SEPTIN14: variants seen among roughly 807,000 people sequenced by gnomAD.
SEPTIN14 encodes the protein septin 14.
A neutral mutation model predicts 53.6 loss-of-function variants in SEPTIN14; 40 were observed. The observed-to-expected ratio is 0.75, with a 90% CI of 0.58 to 0.97. The LOEUF (loss-of-function observed/expected upper bound fraction) is 0.97. SEPTIN14 is among the 50% of genes least tolerant of loss of function. The pLI, the probability that SEPTIN14 is intolerant of heterozygous loss-of-function variation, is 0.00. For missense variants in SEPTIN14, 471 were observed against 508.2 expected (o/e 0.93, Z 0.70); for synonymous variants, 138 against 166.8 (o/e 0.83, Z 1.33).
intron 5 of SEPTIN14, among the ~76,000 whole-genome samples, chr7:55,839,934 T>G (rs1385655670): frequency 2.8e-5 from 4 of 141,128 alleles, no homozygotes. Context: ...CACCTGAGAT[T>G]AGGAGTTCGA....
At chr7:55,844,756 A>C in intron 3 of SEPTIN14, 38 bp from the exon 4 acceptor site, 1 of 1,150,800 alleles carries the variant, frequency 8.7e-7, no homozygotes, top group East Asian at 2.6e-5. Flanking sequence ...AGGGACATAA[A>C]GGGGCTAAGA....
chr7:55,808,104 C>T (rs1443260069), intron 7 of SEPTIN14, among the ~76,000 whole-genome samples: 1 of 152,074 alleles, frequency 6.6e-6, no homozygotes, highest in East Asian at 1.9e-4. Flanking sequence ...ATTATCCAGA[C>T]AGAATATCAG....
chr7:55,799,196 G>T (rs1346721415), intron 9 of SEPTIN14, among the ~76,000 whole-genome samples: 2 of 151,826 alleles, frequency 1.3e-5, no homozygotes, highest in Non-Finnish European at 2.9e-5. Context: ...GACACACTTA[G>T]ACTAAAAGTG....
At chr7:55,830,825 A>G (rs1789097789) in intron 6 of SEPTIN14, among the ~76,000 whole-genome samples, 1 of 152,180 alleles carries the variant, frequency 6.6e-6, no homozygotes, top group Non-Finnish European at 1.5e-5. Flanking sequence ...TGACTCACTA[A>G]TAAAATAATT....
intron 7 of SEPTIN14, 132 bp from the exon 8 acceptor site, chr7:55,807,390 T>C (rs1234794509): frequency 8.5e-6 from 5 of 585,250 alleles, no homozygotes; most frequent in African/African-American, 5.8e-5. Context: ...GATTAATAGC[T>C]ATAATTCTTT....
chr7:55,822,856 C>CAAAAAAAA, intron 6 of SEPTIN14, among the ~76,000 whole-genome samples: 1 of 104,414 alleles, frequency 9.6e-6, no homozygotes, highest in Non-Finnish European at 2.0e-5. Flanking sequence ...CAGGGGAAAG[C>CAAAAAAAA]AAAAAAAAAA....
intron 4 of SEPTIN14, among the ~76,000 whole-genome samples, chr7:55,843,752 A>G (rs1010161638): frequency 2.6e-5 from 4 of 152,228 alleles, no homozygotes; most frequent in African/African-American, 9.6e-5. Flanking sequence ...GAATAGCATG[A>G]ACCCAGGAGA....
Position 55,830,321 on chromosome 7 carries a change from GTATATATA to G in SEPTIN14, c.720+4096_720+4103del, listed in dbSNP as rs746498199. Among the ~76,000 whole-genome samples the G allele has an allele frequency of 6.6e-3, 554 of 84,380 alleles. 18 individuals are homozygous for G. Among genetic ancestry groups the G allele is most frequent in the South Asian group, 0.015 (38 of 2,490 alleles). The allele number at this position is 84,380 out of a possible 152,430, so 55.4% of individuals were successfully genotyped here. A position where few individuals can be genotyped will look rare whatever the true frequency, so the allele number is the denominator to read the frequency against. ...GTGGTAATCAGAATGTTATCCAACT[GTATATATA>G]TATATATATATATATATATATTTTT... On this transcript the variant is annotated intron_variant, in intron 6 of 9. Coordinates refer to ENST00000388975, the MANE Select transcript of SEPTIN14 (RefSeq NM_207366.3).
intron 6 of SEPTIN14, among the ~76,000 whole-genome samples, chr7:55,828,343 C>T (rs1401660283): frequency 2.9e-5 from 4 of 139,236 alleles, no homozygotes; most frequent in East Asian, 2.2e-4. Context: ...CTTGCTCTGT[C>T]GCCCAGGCTG....
At chr7:55,839,735 T>G (rs997413794) in intron 5 of SEPTIN14, among the ~76,000 whole-genome samples, 1 of 152,136 alleles carries the variant, frequency 6.6e-6, no homozygotes, top group Admixed American at 6.6e-5. Context: ...GGTTGAAATC[T>G]ATCAAATGTG....
intron 6 of SEPTIN14, among the ~76,000 whole-genome samples, chr7:55,827,727 A>C (rs576689114): frequency 6.6e-6 from 1 of 152,352 alleles, no homozygotes; most frequent in Non-Finnish European, 1.5e-5. Context: ...CTGAAACAAC[A>C]GACAGGAAAT....
intron 2 of SEPTIN14, among the ~76,000 whole-genome samples, chr7:55,858,334 CAGG>C: frequency 6.6e-6 from 1 of 152,194 alleles, no homozygotes; most frequent in East Asian, 1.9e-4. Flanking sequence ...CCTTCATCAC[CAGG>C]CTAACTGCTG....
intron 5 of SEPTIN14, among the ~76,000 whole-genome samples, chr7:55,841,397 A>G (rs1460311656): frequency 6.6e-6 from 1 of 152,042 alleles, no homozygotes; most frequent in African/African-American, 2.4e-5. Flanking sequence ...TAAAGGGCCC[A>G]GCGTCTATTA....
intron 9 of SEPTIN14, among the ~76,000 whole-genome samples, chr7:55,804,572 C>T (rs1348829610): frequency 1.1e-4 from 17 of 152,130 alleles, no homozygotes; most frequent in Non-Finnish European, 1.3e-4. Flanking sequence ...ATTTTTATTA[C>T]TTATAATTCA....
chr7:55,842,640 C>T (rs369228587), intron 5 of SEPTIN14, among the ~76,000 whole-genome samples: 1 of 150,624 alleles, frequency 6.6e-6, no homozygotes, highest in South Asian at 2.1e-4. Context: ...AGGCTGGGCA[C>T]GGTGGCTCAC....
At chr7:55,840,127 A>T (rs891289497) in intron 5 of SEPTIN14, among the ~76,000 whole-genome samples, 3 of 136,124 alleles carry the variant, frequency 2.2e-5, no homozygotes, top group African/African-American at 8.3e-5. Flanking sequence ...CCTGGGCATT[A>T]AAAAAAAAAA....
At chr7:55,799,331 C>A (rs1302222367) in intron 9 of SEPTIN14, among the ~76,000 whole-genome samples, 4 of 148,092 alleles carry the variant, frequency 2.7e-5, no homozygotes, top group Non-Finnish European at 5.9e-5. Context: ...CATGGTGAAA[C>A]GCCATCTCTA....
chr7:55,798,213 G>T (rs144448196), intron 9 of SEPTIN14: 2 of 285,882 alleles, frequency 7.0e-6, no homozygotes, highest in Admixed American at 4.3e-5. Flanking sequence ...ACACTCAGTG[G>T]CCTCCAACTA....
At chr7:55,846,065 G>GTATATATATA (rs56306800) in intron 3 of SEPTIN14, among the ~76,000 whole-genome samples, 1,002 of 39,580 alleles carry the variant, frequency 0.025, 126 homozygotes, top group African/African-American at 0.044. Flanking sequence ...AAAAAAAAAA[G>GTATATATATA]TATATATATA....
Sources: allele counts gnomAD v4.1 joint callset (sites outside exome capture counted in the v4.1 genomes callset), GRCh38; gene constraint gnomAD v4.1.1; transcripts MANE v1.5; gene names NCBI Gene and HGNC (gene_info 2026-07-23, HGNC 2026-07-21).